Variants in MTIF3 observed in about 807,000 individuals in gnomAD.
The protein encoded by MTIF3 is translation initiation factor IF-3, mitochondrial.
In MTIF3, 13 loss-of-function variants were observed where a neutral mutation model predicts 20.7. That is an observed-to-expected ratio of 0.63 (90% CI 0.41 to 1.00). MTIF3 has a LOEUF of 1.00. Among genes scored for constraint, MTIF3 ranks in the 50% least tolerant of loss-of-function variants. The pLI, the probability that MTIF3 is intolerant of heterozygous loss-of-function variation, is 0.00. For synonymous variants in MTIF3, 114 were observed against 112.5 expected (o/e 1.01, Z -0.08); for missense variants, 295 against 324.5 (o/e 0.91, Z 0.70).
chr13:27,435,812 T>C lies in MTIF3; in HGVS notation c.700A>G (p.Lys234Glu). ...GCACGAAGAACACACATTAAAGCTT[T>C]TCCTCCTTGAACAGCTTGTGGCCTA... ...SSRPQAVQGG[K>E]ALMCVLRAFS... Residue 234 changes from lysine to glutamate, a missense_variant, in exon 5 of 5, where the codon AAA becomes GAA. Lys to Glu is a moderately conservative substitution (Grantham distance 56). Transcript: ENST00000381120. 6.2e-7 allele frequency: 1 copy of C among 1,614,192 alleles called. No homozygotes were observed. The highest frequency in any genetic ancestry group is 1.1e-5 in the South Asian group (1 of 91,084).
chr13:27,450,072 G>C (rs1188148539), intron 1 of MTIF3: 2 of 152,318 alleles, frequency 1.3e-5, no homozygotes, highest in African/African-American at 4.8e-5. Flanking sequence ...ACCTGTGCCA[G>C]GCAGTAAGCC....
intron 1 of MTIF3, among the ~76,000 whole-genome samples, chr13:27,447,002 G>A (rs74646074): frequency 0.01 from 1,544 of 152,134 alleles, 24 homozygotes; most frequent in African/African-American, 0.036. Flanking sequence ...AATTTTAGAA[G>A]AATAAAACAA....
Position 27,440,308 on chromosome 13 carries a change from GGA to G in MTIF3, c.139_140del (p.Ser47LeufsTer9), listed in dbSNP as rs762101479. 2 of 1,614,012 alleles carry G rather than the reference GGA, an allele frequency of 1.2e-6. No individual in the cohort carries two copies. The highest frequency in any genetic ancestry group is 1.3e-5 in the African/African-American group (1 of 74,906). On this transcript the variant is annotated frameshift_variant, in exon 3 of 5. Coordinates refer to ENST00000381120, the MANE Select transcript of MTIF3 (RefSeq NM_152912.5). LOFTEE classifies it high-confidence loss of function. Reference protein sequence around the residue: ...LSPIASAPRLSFLIHAKAFST... With the variant: ...LSPIASAPRLXFLIHAKAFST... ...TAAAGGCTTTTGCATGAATTAGGAAGGAGAGTCTTGGGGCAGAAGCAATAGGG... is the reference window on the plus strand; with the variant it reads ...TAAAGGCTTTTGCATGAATTAGGAAGGAGTCTTGGGGCAGAAGCAATAGGG...
chr13:27,450,173 TAGAGA>T (rs1954318751), intron 1 of MTIF3: 1 of 152,278 alleles, frequency 6.6e-6, no homozygotes, highest in Admixed American at 6.5e-5. Context: ...GCGCCAGGGC[TAGAGA>T]CGGGACGTAG....
At chr13:27,449,949 T>C (rs1007361011) in intron 1 of MTIF3, 1 of 152,252 alleles carries the variant, frequency 6.6e-6, no homozygotes, top group Non-Finnish European at 1.5e-5. Flanking sequence ...AAAATCCCAG[T>C]CACTTCGCGA....
At chr13:27,435,988 G>C (rs1953726286) in intron 4 of MTIF3, 95 bp from the exon 5 acceptor site, 2 of 934,612 alleles carry the variant, frequency 2.1e-6, no homozygotes, top group Non-Finnish European at 3.3e-6. Context: ...TGGCACCCTT[G>C]AATTGCTGCT....
intron 1 of MTIF3, chr13:27,450,216 A>G (rs988741707): frequency 6.6e-6 from 1 of 152,148 alleles, no homozygotes; most frequent in Non-Finnish European, 1.5e-5. Flanking sequence ...GCGTGCGCAC[A>G]AACGAGGGCG....
intron 2 of MTIF3, among the ~76,000 whole-genome samples, chr13:27,442,347 G>A (rs922789465): frequency 3.3e-5 from 5 of 152,060 alleles, no homozygotes; most frequent in Admixed American, 6.6e-5. Flanking sequence ...CCAAACCGCC[G>A]CGCCGCTCAA....
chr13:27,438,493 T>TTTTTG (rs1953875550), intron 3 of MTIF3, among the ~76,000 whole-genome samples: 3 of 133,502 alleles, frequency 2.2e-5, no homozygotes, highest in Admixed American at 1.6e-4. Context: ...GTTTTTTTTT[T>TTTTTG]TTTTTTTTTT....
In MTIF3 at chr13:27,448,432, A is replaced by G. The variant is rs563409774; in HGVS notation, c.-71+2077T>C. Among the ~76,000 whole-genome samples the G allele has an allele frequency of 2.0e-5, 3 of 152,328 alleles. No individual in the cohort carries two copies. The South Asian group carries it at 6.2e-4, about 32-fold the overall frequency. ...TCATAAAGTCCTTGCTTCTGCCTGCAAACTGTCCCAGTTGCCCCATTCTGG... is the reference window on the plus strand; with the variant it reads ...TCATAAAGTCCTTGCTTCTGCCTGCGAACTGTCCCAGTTGCCCCATTCTGG... On this transcript the variant is annotated intron_variant, in intron 1 of 4. Transcript: ENST00000381120.
rs577205998 is a variant in MTIF3, at chr13:27,437,468, G to C, written c.461-195C>G. On this transcript the variant is annotated intron_variant, in intron 3 of 4. Transcript: ENST00000381120. ...AGGTACCAATTTTTTACCTGCCCTGGAAGGGTACTTAAAATCTGAAATGCT... is the reference window on the plus strand; with the variant it reads ...AGGTACCAATTTTTTACCTGCCCTGCAAGGGTACTTAAAATCTGAAATGCT... Among the ~76,000 whole-genome samples the C allele has an allele frequency of 2.2e-4, 33 of 152,292 alleles. No homozygotes were observed. In the East Asian group the frequency reaches 6.0e-3, roughly 28 times the overall value.
intron 1 of MTIF3, among the ~76,000 whole-genome samples, chr13:27,447,426 G>A (rs1048552182): frequency 2.0e-5 from 3 of 152,000 alleles, no homozygotes; most frequent in Non-Finnish European, 4.4e-5. Context: ...AAACGCTTAC[G>A]TTCTTATGAT....
intron 4 of MTIF3, among the ~76,000 whole-genome samples, chr13:27,436,791 A>AGG: frequency 8.1e-6 from 1 of 123,002 alleles, no homozygotes; most frequent in South Asian, 2.8e-4. Flanking sequence ...TTGCTCTGTC[A>AGG]CCCAGGCTGG....
In MTIF3 at chr13:27,435,746, CTT is replaced by C. The variant is rs777106377; in HGVS notation, c.764_765del (p.Gln255ArgfsTer15). The C allele has an allele frequency of 3.7e-6, 6 of 1,614,120 alleles. No homozygotes were observed. Among genetic ancestry groups the C allele is most frequent in the East Asian group, 2.2e-5 (1 of 44,878 alleles). On this transcript the variant is annotated frameshift_variant, in exon 5 of 5. Coordinates refer to ENST00000381120, the MANE Select transcript of MTIF3 (RefSeq NM_152912.5). LOFTEE classifies it low-confidence loss of function (END_TRUNC). ...KNEEKAYKETQETQERDTLNK... is the reference protein window; with the variant it reads ...KNEEKAYKETXETQERDTLNK... The stretch of plus-strand genomic sequence containing the variant: ...TTCAAAGTGTCTCTTTCCTGGGTCT[CTT>C]GAGTTTCTTTATATGCCTTCTCCTC...
In MTIF3 at chr13:27,436,023, G is replaced by A. The variant is rs1953727295; in HGVS notation, c.619-130C>T. 4.5e-6 allele frequency: 3 copies of A among 664,196 alleles called. No individual in the cohort carries two copies. The Admixed American group carries it at 8.0e-5, about 18-fold the overall frequency. The allele number at this position is 664,196 out of a possible 1,614,324, so 41.1% of individuals were successfully genotyped here. The stretch of plus-strand genomic sequence containing the variant: ...TGTCGGTTAAGTGATTAGCTAATCA[G>A]TTCATACGTATCTGGTTAAGTTGAC... On this transcript the variant is annotated intron_variant, in intron 4 of 4. Coordinates refer to ENST00000381120, the MANE Select transcript of MTIF3 (RefSeq NM_152912.5).
At chr13:27,443,863 G>GT (rs1398029987) in intron 2 of MTIF3, among the ~76,000 whole-genome samples, 2 of 151,768 alleles carry the variant, frequency 1.3e-5, no homozygotes, top group Non-Finnish European at 2.9e-5. Flanking sequence ...TATTTCTCAA[G>GT]TTTTTTTATA....
intron 1 of MTIF3, among the ~76,000 whole-genome samples, chr13:27,447,066 G>A (rs945229863): frequency 2.6e-5 from 4 of 152,068 alleles, no homozygotes; most frequent in East Asian, 1.9e-4. Context: ...GCTAGTGAAC[G>A]GTTAAAAGTT....
intron 2 of MTIF3, among the ~76,000 whole-genome samples, chr13:27,442,446 G>C (rs1001329111): frequency 3.3e-5 from 5 of 152,244 alleles, no homozygotes; most frequent in Admixed American, 3.3e-4. Context: ...ATTACTGCTA[G>C]GGCACACAGA....
At chr13:27,449,038 G>A (rs1205560881) in intron 1 of MTIF3, among the ~76,000 whole-genome samples, 1 of 152,088 alleles carries the variant, frequency 6.6e-6, no homozygotes, top group Non-Finnish European at 1.5e-5. Flanking sequence ...AGGCAACAGG[G>A]TGAGACTCTC....
Sources: gnomAD v4.1 joint callset for allele counts (sites outside exome capture counted in the v4.1 genomes callset) on GRCh38, gnomAD v4.1.1 for gene constraint, MANE v1.5 for transcripts, NCBI Gene and HGNC (gene_info 2026-07-23, HGNC 2026-07-21) for gene names.